PLEKHN1: variants seen among roughly 807,000 people sequenced by gnomAD.
The protein encoded by PLEKHN1 is pleckstrin homology domain-containing family N member 1.
PLEKHN1 carries 68 observed loss-of-function variants against 72.8 expected under a neutral mutation model. That is an observed-to-expected ratio of 0.93 (90% CI 0.77 to 1.14). PLEKHN1 has a LOEUF of 1.14. Among genes scored for constraint, PLEKHN1 ranks in the 50% most tolerant of loss-of-function variants. The pLI is 0.00. For synonymous variants in PLEKHN1, 454 were observed against 371.6 expected (o/e 1.22, Z -2.55); for missense variants, 1,015 against 840.5 (o/e 1.21, Z -2.57).
In PLEKHN1 at chr1:970,874, C is replaced by A. The variant is rs770653962; in HGVS notation, c.485-5C>A. The A allele has an allele frequency of 3.7e-6, 6 of 1,611,468 alleles. No homozygotes were observed. Among genetic ancestry groups the A allele is most frequent in the Non-Finnish European group, 5.1e-6 (6 of 1,179,924 alleles). Reference sequence around the variant, plus strand: ...ATGTGTGTGCCCTCTCTGCCCTGCCCGCAGGCCCACTGCCCGCACCCCTCC... The same window carrying A: ...ATGTGTGTGCCCTCTCTGCCCTGCCAGCAGGCCCACTGCCCGCACCCCTCC... On this transcript the variant is annotated splice_region_variant and splice_polypyrimidine_tract_variant and intron_variant, in intron 5 of 15. Transcript: ENST00000379410. This position sits in a 1 kb window ranked among gnomAD's most constrained non-coding sequence, Gnocchi z 4.2.
rs377540325 is a variant in PLEKHN1, at chr1:970,501, C to T, written c.331-20C>T. The T allele has an allele frequency of 6.8e-6, 11 of 1,612,982 alleles. No homozygotes were observed. The highest frequency in any genetic ancestry group is 6.7e-5 in the East Asian group (3 of 44,880). ...TGGGGCTCCCCAGACTCCGCACTGA[C>T]GACCCTGCTCCCCGCGCAGGATGTC... On this transcript the variant is annotated intron_variant, in intron 3 of 15. Transcript: ENST00000379410. This position sits in a 1 kb window ranked among gnomAD's most constrained non-coding sequence, Gnocchi z 4.2.
At chr1:966,957 G>A (rs1643025571) in intron 2 of PLEKHN1, among the ~76,000 whole-genome samples, 154 bp downstream of exon 2, 1 of 152,224 alleles carries the variant, frequency 6.6e-6, no homozygotes, top group Non-Finnish European at 1.5e-5. Flanking sequence ...CCGCCCTGGG[G>A]AGCTCATCCG....
chr1:974,141 G>A (rs1643494234), intron 14 of PLEKHN1, 90 bp downstream of exon 14: 6 of 1,488,468 alleles, frequency 4.0e-6, no homozygotes. Context: ...AGGGAGCAGG[G>A]AGGGAAACAG....
intron 2 of PLEKHN1, among the ~76,000 whole-genome samples, chr1:968,881 AGAGACCCCTCGGGG>A (rs1401169704): frequency 2.6e-5 from 4 of 152,220 alleles, no homozygotes; most frequent in Non-Finnish European, 5.9e-5. Context: ...GGGCAGCCAC[AGAGACCCCTCGGGG>A]GAGACCCCTC....
rs375137569 is a variant in PLEKHN1 at position 972,354 on chromosome 1, G to A, written c.932G>A (p.Cys311Tyr). The change falls in exon 10 of 16, where the codon TGC becomes TAC. Residue 311 changes from cysteine (C) to tyrosine (Y), a missense_variant. By Grantham distance (194) the Cys-to-Tyr change is radical. Transcript: ENST00000379410. ...GAGGACTACGGTCACTGGCTGCTGT[G>A]CCTTCGCGCTGTCACCCACAGGGAG... is the stretch of plus-strand genomic sequence containing the variant. ...SYEDYGHWLL[C>Y]LRAVTHREGA... is the part of the protein sequence containing the mutation. The A allele has an allele frequency of 1.2e-6, 2 of 1,608,926 alleles. No homozygotes were observed. The highest frequency in any genetic ancestry group is 1.7e-6 in the Non-Finnish European group (2 of 1,178,740).
rs1643282344 is a variant in PLEKHN1 at position 970,884 on chromosome 1, C to T, written c.490C>T (p.Leu164=). ...CCTCTCTGCCCTGCCCGCAGGCCCA[C>T]TGCCCGCACCCCTCCTGGTGCTCTG... is the stretch of plus-strand genomic sequence containing the variant. ...REHAFQITGP[L]PAPLLVLCPS... is the part of the protein sequence containing the mutation. Residue 164 remains leucine, a synonymous_variant, in exon 6 of 16, where the codon CTG becomes TTG. Coordinates refer to ENST00000379410, the MANE Select transcript of PLEKHN1 (RefSeq NM_032129.3). The surrounding 1 kb of genome is among the most constrained non-coding windows in gnomAD (Gnocchi z 4.2). 4 of 1,611,256 alleles carry T rather than the reference C, an allele frequency of 2.5e-6. No homozygotes were observed. Among genetic ancestry groups the T allele is most frequent in the Non-Finnish European group, 3.4e-6 (4 of 1,179,902 alleles).
chr1:971,019 G>T lies in PLEKHN1; in HGVS notation c.612+13G>T. The T allele has an allele frequency of 1.3e-6, 2 of 1,594,608 alleles. No individual in the cohort carries two copies. The highest frequency in any genetic ancestry group is 2.3e-5 in the South Asian group (2 of 88,814). Reference sequence around the variant, plus strand: ...GGCACCCCCACAGGTCAGTGCCGGGGACCCCACCCCCCTCCCCACCCTGAT... The same window carrying T: ...GGCACCCCCACAGGTCAGTGCCGGGTACCCCACCCCCCTCCCCACCCTGAT... On this transcript the variant is annotated intron_variant, in intron 6 of 15. Transcript: ENST00000379410.
chr1:970,153 T>G lies in PLEKHN1; in HGVS notation c.184-124T>G. ...TTCTGTGCCTGTGGGGGGCTGTTCT[T>G]CACATATGTGTTGTGTGGCTATGCA... On this transcript the variant is annotated intron_variant, in intron 2 of 15. Coordinates refer to ENST00000379410, the MANE Select transcript of PLEKHN1 (RefSeq NM_032129.3). This position sits in a 1 kb window ranked among gnomAD's most constrained non-coding sequence, Gnocchi z 4.2. The G allele has an allele frequency of 2.8e-6, 3 of 1,053,734 alleles. No individual in the cohort carries two copies. Among genetic ancestry groups the G allele is most frequent in the Non-Finnish European group, 4.1e-6 (3 of 739,984 alleles). The allele number at this position is 1,053,734 out of a possible 1,614,324, so 65.3% of individuals were successfully genotyped here.
intron 2 of PLEKHN1, 95 bp downstream of exon 2, chr1:966,898 C>T (rs1643020171): frequency 3.7e-6 from 5 of 1,346,486 alleles, no homozygotes; most frequent in South Asian, 1.5e-5. Flanking sequence ...CTTCCCCTCG[C>T]CCCCGGGGCG....
At position 966,597 on chromosome 1, in the gene PLEKHN1, C is replaced by T. The variant is rs567792720; in HGVS notation, c.66C>T (p.Pro22=). The change falls in exon 1 of 16, where the codon CCC becomes CCT. Residue 22 remains proline (P), a synonymous_variant. Coordinates refer to ENST00000379410, the MANE Select transcript of PLEKHN1 (RefSeq NM_032129.3). ...RRLRASFSRK[P]SLKGNREDSA... is the part of the protein sequence containing the mutation. Reference sequence around the variant, plus strand: ...TCCGGGCCTCCTTCTCCAGAAAGCCCTCGCTGAAGGGAAACAGGTGAGCGG... The same window carrying T: ...TCCGGGCCTCCTTCTCCAGAAAGCCTTCGCTGAAGGGAAACAGGTGAGCGG... The T allele has an allele frequency of 2.5e-6, 4 of 1,610,862 alleles. No individual in the cohort carries two copies. The South Asian group carries it at 4.4e-5, about 18-fold the overall frequency.
At position 966,512 on chromosome 1, in the gene PLEKHN1, C is replaced by T. The variant is rs1313595224; in HGVS notation, c.-20C>T. ...GCTGTGGACAGGGACCCAGACTTGC[C>T]GACCTGTACGACTCTGGCCATGGGG... On this transcript the variant is annotated 5_prime_UTR_variant, in exon 1 of 16. Transcript: ENST00000379410. 9 of 1,582,606 alleles carry T rather than the reference C, an allele frequency of 5.7e-6. No individual in the cohort carries two copies. The highest frequency in any genetic ancestry group is 4.0e-5 in the African/African-American group (3 of 74,136).
rs373663053 is a variant in PLEKHN1, at chr1:974,301, G to C, written c.1654-15G>C. Reference sequence around the variant, plus strand: ...GGCTGTGCCCGGCTCTCAGACTTGCGGTTTGGGGTTCCAGGTCTCCTCTGC... The same window carrying C: ...GGCTGTGCCCGGCTCTCAGACTTGCCGTTTGGGGTTCCAGGTCTCCTCTGC... On this transcript the variant is annotated splice_polypyrimidine_tract_variant and intron_variant, in intron 14 of 15. Coordinates refer to ENST00000379410, the MANE Select transcript of PLEKHN1 (RefSeq NM_032129.3). The C allele has an allele frequency of 6.2e-7, 1 of 1,612,938 alleles. No individual in the cohort carries two copies. The highest frequency in any genetic ancestry group is 8.5e-7 in the Non-Finnish European group (1 of 1,179,998).
rs547187116 is a variant in PLEKHN1, at chr1:971,116, C to A, written c.616C>A (p.Arg206Ser). ...RRCHSAPPQR[R>S]LTRLRTASGH... ...CGAACTCCCCTGGACTTTGCAGCGC[C>A]GTCTAACCCGGCTGCGGACGGCGTC... Residue 206 changes from arginine (R) to serine (S), a missense_variant, in exon 7 of 16, where the codon CGT becomes AGT. Arg to Ser is a moderately radical substitution (Grantham distance 110). Coordinates refer to ENST00000379410, the MANE Select transcript of PLEKHN1 (RefSeq NM_032129.3). 1 of 1,596,118 alleles carries A rather than the reference C, an allele frequency of 6.3e-7. No homozygotes were observed. The highest frequency in any genetic ancestry group is 2.3e-5 in the East Asian group (1 of 43,988).
chr1:966,765 G>A lies in PLEKHN1; in HGVS notation c.145G>A (p.Ala49Thr), dbSNP rs757955004. 116 of 1,571,914 alleles carry A rather than the reference G, an allele frequency of 7.4e-5. 1 individual carries two copies. The South Asian group carries it at 9.1e-4, about 12-fold the overall frequency. ...CCCCGAGGCTGCTCGAAGCGGGGAC[G>A]CCGCCGCCAACAAGCTCTTCCACTA... The part of the protein sequence containing the change: ...PGPEAARSGD[A>T]AANKLFHYIP... Residue 49 changes from alanine (A) to threonine (T), a missense_variant, in exon 2 of 16, where the codon GCC (alanine) becomes ACC (threonine). Coordinates refer to ENST00000379410, the MANE Select transcript of PLEKHN1 (RefSeq NM_032129.3).
Position 975,023 on chromosome 1 carries a change from G to T in PLEKHN1, c.*448G>T. The T allele has an allele frequency of 5.8e-6, 1 of 173,258 alleles. No individual in the cohort carries two copies. Among genetic ancestry groups the T allele is most frequent in the Non-Finnish European group, 1.2e-5 (1 of 80,634 alleles). The allele number at this position is 173,258 out of a possible 1,614,324, so 10.7% of individuals were successfully genotyped here. The stretch of plus-strand genomic sequence containing the variant: ...AGCACAAGCCAGGGTGCCCCGAGGA[G>T]GAGGGTGGGTGGGTCCTTGTGTGGC... On this transcript the variant is annotated 3_prime_UTR_variant, in exon 16 of 16. Coordinates refer to ENST00000379410, the MANE Select transcript of PLEKHN1 (RefSeq NM_032129.3).
Position 972,290 on chromosome 1 carries a change from C to T in PLEKHN1, c.868C>T (p.Pro290Ser), listed in dbSNP as rs1312308018. Residue 290 changes from proline (P) to serine (S), a missense_variant and splice_region_variant, in exon 10 of 16, where the codon CCC becomes TCC. Coordinates refer to ENST00000379410, the MANE Select transcript of PLEKHN1 (RefSeq NM_032129.3). ...KQIRSFLIEG[P>S]LINTIRVVCA... ...CCCTCACAGCATCTGTATGCCAGGC[C>T]CCCTCATCAACACCATCCGCGTGGT... 1 of 1,610,602 alleles carries T rather than the reference C, an allele frequency of 6.2e-7. No homozygotes were observed. Among genetic ancestry groups the T allele is most frequent in the Non-Finnish European group, 8.5e-7 (1 of 1,178,548 alleles).
chr1:971,994 A>T, intron 8 of PLEKHN1, 81 bp from the exon 9 acceptor site: 1 of 1,352,062 alleles, frequency 7.4e-7, no homozygotes. Context: ...CAAGCTCTGG[A>T]GGGCAAGAGG....
chr1:969,588 ATATG>A (rs1643184726), intron 2 of PLEKHN1, among the ~76,000 whole-genome samples: 1 of 150,912 alleles, frequency 6.6e-6, no homozygotes, highest in African/African-American at 2.4e-5. Flanking sequence ...TTGCGTGTGG[ATATG>A]TATGCATGTA....
At position 971,025 on chromosome 1, in the gene PLEKHN1, AC is replaced by A. The variant is rs747701434; in HGVS notation, c.612+25del. On this transcript the variant is annotated intron_variant, in intron 6 of 15. Transcript: ENST00000379410. The stretch of plus-strand genomic sequence containing the variant: ...CCCACAGGTCAGTGCCGGGGACCCC[AC>A]CCCCCTCCCCACCCTGATCCTCGCA... 162 of 843,878 alleles carry A rather than the reference AC, an allele frequency of 1.9e-4. No homozygotes were observed. The highest frequency in any genetic ancestry group is 2.7e-4 in the Non-Finnish European group (131 of 492,696). The allele number at this position is 843,878 out of a possible 1,614,324, so 52.3% of individuals were successfully genotyped here. A position where few individuals can be genotyped will look rare whatever the true frequency, so the allele number is the denominator to read the frequency against.
Sources: allele counts gnomAD v4.1 joint callset (sites outside exome capture counted in the v4.1 genomes callset), GRCh38; gene constraint gnomAD v4.1.1; non-coding constraint Gnocchi (gnomAD v3.1); transcripts MANE v1.5; gene names NCBI Gene and HGNC (gene_info 2026-07-23, HGNC 2026-07-21).